NLRC5: variants seen among roughly 807,000 people sequenced by gnomAD.
NLRC5 encodes NLR family CARD domain containing 5, also known as protein NLRC5.
NLRC5 carries 114 observed loss-of-function variants against 206.9 expected under a neutral mutation model. The observed-to-expected ratio is 0.55, with a 90% CI of 0.47 to 0.64. The LOEUF (loss-of-function observed/expected upper bound fraction) is 0.64, where lower values mean the gene tolerates loss of function less well. Among genes scored for constraint, NLRC5 ranks in the 30% least tolerant of loss-of-function variants. The probability of loss-of-function intolerance (pLI) is 0.00; values close to 1 mark genes in which losing one functional copy is unlikely to be tolerated. For missense variants in NLRC5, 2,008 were observed against 2,305.5 expected (o/e 0.87, Z 2.64); for synonymous variants, 952 against 962.8 (o/e 0.99, Z 0.21).
intron 21 of NLRC5, 140 bp downstream of exon 21, chr16:57,045,632 C>A (rs1321757917): frequency 1.4e-6 from 1 of 710,374 alleles, no homozygotes; most frequent in Admixed American, 2.2e-5. Flanking sequence ...GGTTTAATCA[C>A]CACTTCAGTA....
rs183306451 is a variant in NLRC5, at chr16:57,046,732, T to C, written c.3338+91T>C. 1,113 of 1,052,128 alleles carry C rather than the reference T, an allele frequency of 1.1e-3. 8 individuals carry two copies. In the African/African-American group the frequency reaches 0.015, roughly 15 times the overall value. 65.2% of individuals were successfully genotyped at this position (1,052,128 alleles called of 1,614,324 possible). A position where few individuals can be genotyped will look rare whatever the true frequency, so the allele number is the denominator to read the frequency against. On this transcript the variant is annotated intron_variant, in intron 22 of 48. Transcript: ENST00000688547. ...GCTGGCAGGGGGCTAGGGCTGGGGATTGGGATAGAGGGAAGAGAGGGAGTT... is the reference window on the plus strand; with the variant it reads ...GCTGGCAGGGGGCTAGGGCTGGGGACTGGGATAGAGGGAAGAGAGGGAGTT...
chr16:57,030,954 A>G (rs1325989503), intron 10 of NLRC5, among the ~76,000 whole-genome samples: 1 of 152,112 alleles, frequency 6.6e-6, no homozygotes, highest in Non-Finnish European at 1.5e-5. Context: ...AACAAAATTA[A>G]TGGGGCATGG....
chr16:56,993,624 C>G (rs1238545721), intron 1 of NLRC5, among the ~76,000 whole-genome samples: 1 of 152,126 alleles, frequency 6.6e-6, no homozygotes, highest in East Asian at 1.9e-4. Context: ...ATTTGCAAAT[C>G]TGGGAGACGA....
chr16:57,080,412 A>G (rs2068980679), intron 46 of NLRC5, among the ~76,000 whole-genome samples: 1 of 151,940 alleles, frequency 6.6e-6, no homozygotes, highest in South Asian at 2.1e-4. Context: ...TATTTTTGTA[A>G]CTACCTTCTA....
intron 15 of NLRC5, among the ~76,000 whole-genome samples, chr16:57,038,140 C>T (rs548918071): frequency 4.0e-5 from 6 of 151,802 alleles, no homozygotes; most frequent in African/African-American, 1.5e-4. Context: ...AATGTTTAAC[C>T]GAGGGATATT....
chr16:56,995,416 A>T (rs1427934382), intron 1 of NLRC5, among the ~76,000 whole-genome samples: 1 of 152,256 alleles, frequency 6.6e-6, no homozygotes, highest in Admixed American at 6.5e-5. Context: ...AGCTTTGCTC[A>T]CATTCTGGAT....
rs2061182680 is a variant in NLRC5 at position 57,025,415 on chromosome 16, C to T, written c.472C>T (p.Arg158Cys). ...LQLLRTSAQQ[R>C]YRSQIPGSGQ... ...GCTCCTGCGGACCTCTGCCCAGCAG[C>T]GCTACAGGAGCCAAATCCCTGGGTC... The change falls in exon 6 of 49, where the codon CGC (arginine) becomes TGC (cysteine). Residue 158 changes from arginine to cysteine, a missense_variant. Coordinates refer to ENST00000688547, the MANE Select transcript of NLRC5 (RefSeq NM_001384950.1). The T allele has an allele frequency of 6.4e-7, 1 of 1,574,398 alleles. No homozygotes were observed. Among genetic ancestry groups the T allele is most frequent in the Non-Finnish European group, 8.6e-7 (1 of 1,161,080 alleles).
At position 57,028,138 on chromosome 16, in the gene NLRC5, G is replaced by A; in HGVS notation, c.2142G>A (p.Gly714=). ...EALSRSLPTM[G]RLQMLGLAGS... Reference sequence around the variant, plus strand: ...TCTCCAGGAGCTTGCCGACAATGGGGAGGCTGCAGATGCTGGGGTGAGCCA... The same window carrying A: ...TCTCCAGGAGCTTGCCGACAATGGGAAGGCTGCAGATGCTGGGGTGAGCCA... The change falls in exon 7 of 49, where the codon GGG becomes GGA. Residue 714 remains glycine, a synonymous_variant. Coordinates refer to ENST00000688547, the MANE Select transcript of NLRC5 (RefSeq NM_001384950.1). The A allele has an allele frequency of 3.1e-6, 5 of 1,613,466 alleles. No homozygotes were observed. The highest frequency in any genetic ancestry group is 4.2e-6 in the Non-Finnish European group (5 of 1,179,612).
At chr16:57,039,752 G>A (rs571576361) in intron 15 of NLRC5, 29 bp from the exon 16 acceptor site, 15 of 1,604,726 alleles carry the variant, frequency 9.3e-6, no homozygotes, top group East Asian at 8.9e-5. Flanking sequence ...ATAACCTCTC[G>A]CTTCCTCACC....
rs375289357 is a variant in NLRC5, at chr16:57,041,437, G to A, written c.2940-48G>A. On this transcript the variant is annotated intron_variant, in intron 17 of 48. Coordinates refer to ENST00000688547, the MANE Select transcript of NLRC5 (RefSeq NM_001384950.1). ...GGGGGTGGGAAAGCGGCTCCTTCCC[G>A]CCTCTGTTCAGTGGGGCATGCAGCA... is the stretch of plus-strand genomic sequence containing the variant. 1.6e-4 allele frequency: 242 copies of A among 1,541,024 alleles called. No homozygotes were observed. In the South Asian group the frequency reaches 2.3e-3, roughly 15 times the overall value.
At chr16:57,006,079 C>G (rs1398360750) in intron 1 of NLRC5, among the ~76,000 whole-genome samples, 2 of 151,662 alleles carry the variant, frequency 1.3e-5, no homozygotes, top group Non-Finnish European at 2.9e-5. Context: ...CTCACTGCAG[C>G]CTGGATACCC....
At chr16:57,076,707 C>A (rs2068446805) in intron 39 of NLRC5, 112 bp from the exon 40 acceptor site, 2 of 958,310 alleles carry the variant, frequency 2.1e-6, no homozygotes, top group East Asian at 2.5e-5. Context: ...TTGCTACCAG[C>A]ATATGAATTC....
Position 57,029,776 on chromosome 16 carries a change from T to A in NLRC5, c.2247T>A (p.Phe749Leu). 1 of 1,614,156 alleles carries A rather than the reference T, an allele frequency of 6.2e-7. No individual in the cohort carries two copies. Among genetic ancestry groups the A allele is most frequent in the Middle Eastern group, 1.6e-4 (1 of 6,062 alleles). The change falls in exon 9 of 49, where the codon TTT becomes TTA. Residue 749 changes from phenylalanine to leucine, a missense_variant. Physicochemically the swap from Phe to Leu is conservative, Grantham distance 22. Transcript: ENST00000688547. ...CTGGGCCTTGGTCTCCTCGCAGTTT[T>A]CGGGACAACCAGCTCAGTGACCAGG... ...PLCPQLKEVSFRDNQLSDQVV... is the reference protein window; with the variant it reads ...PLCPQLKEVSLRDNQLSDQVV...
rs766169822 is a variant in NLRC5, at chr16:57,026,710, T to C, written c.1767T>C (p.Gly589=). Residue 589 remains glycine (G), a synonymous_variant, in exon 6 of 49, where the codon GGT becomes GGC. Transcript: ENST00000688547. ...HLAQGNEDCV[G]AKQAAVVQVL... ...CGCAGGGCAATGAGGACTGTGTGGG[T>C]GCCAAGCAGGCTGCTGTAGTGCAGG... 2 of 1,613,978 alleles carry C rather than the reference T, an allele frequency of 1.2e-6. No individual in the cohort carries two copies. Among genetic ancestry groups the C allele is most frequent in the Non-Finnish European group, 1.7e-6 (2 of 1,179,906 alleles).
intron 38 of NLRC5, among the ~76,000 whole-genome samples, chr16:57,071,126 G>GTT (rs1295028093): frequency 1.4e-5 from 2 of 145,614 alleles, no homozygotes. Flanking sequence ...AGTGAGTGGT[G>GTT]GGGTTGGTTA....
chr16:57,045,219 AAAG>A (rs748667362), intron 20 of NLRC5: 32 of 548,416 alleles, frequency 5.8e-5, no homozygotes, highest in Non-Finnish European at 8.9e-5. Flanking sequence ...AAACAACAAC[AAAG>A]AAGAATTTCT....
At position 57,000,352 on chromosome 16, in the gene NLRC5, G is replaced by A. The variant is rs577133230; in HGVS notation, c.-128+10735G>A. Among the ~76,000 whole-genome samples the A allele has an allele frequency of 5.9e-5, 9 of 152,314 alleles. No homozygotes were observed. The East Asian group carries it at 1.7e-3, about 29-fold the overall frequency. On this transcript the variant is annotated intron_variant, in intron 1 of 48. Transcript: ENST00000688547. ...TTCAAGCCTTTAGCATAGGAAGGTG[G>A]CTGGGGTGAAGGAGGCAGTTTAAAG... is the stretch of plus-strand genomic sequence containing the variant.
chr16:57,011,576 G>A (rs565148415), intron 1 of NLRC5, among the ~76,000 whole-genome samples: 4 of 152,152 alleles, frequency 2.6e-5, no homozygotes, highest in Non-Finnish European at 4.4e-5. Context: ...ATTAAAATTA[G>A]CCTGGCATGG....
chr16:57,022,413 A>AC, intron 4 of NLRC5, 98 bp downstream of exon 4: 3 of 1,056,454 alleles, frequency 2.8e-6, no homozygotes, highest in Non-Finnish European at 4.3e-6. Flanking sequence ...GTGGCTGGTC[A>AC]CAGCCATTTC....
Sources: gnomAD v4.1 joint callset for allele counts (sites outside exome capture counted in the v4.1 genomes callset) on GRCh38, gnomAD v4.1.1 for gene constraint, MANE v1.5 for transcripts, NCBI Gene and HGNC (gene_info 2026-07-23, HGNC 2026-07-21) for gene names.